The following KIAA0586 variants were observed in gnomAD, a reference collection of about 807,000 sequenced individuals.
KIAA0586 encodes protein TALPID3.
KIAA0586 carries 144 observed loss-of-function variants against 169.8 expected under a neutral mutation model. The observed-to-expected ratio is 0.85, with a 90% CI of 0.74 to 0.97. KIAA0586 has a LOEUF of 0.97. KIAA0586 is among the 50% of genes least tolerant of loss of function. The pLI, the probability that KIAA0586 is intolerant of heterozygous loss-of-function variation, is 0.00. For synonymous variants in KIAA0586, 625 were observed against 612.4 expected, an observed-to-expected ratio of 1.02 and a Z score of -0.30; for missense variants, 1,854 against 1,823.0, an observed-to-expected ratio of 1.02 and a Z score of -0.31.
chr14:58,465,708 G>C, intron 14 of KIAA0586, 127 bp from the exon 15 acceptor site: 1 of 582,646 alleles, frequency 1.7e-6, no homozygotes. Flanking sequence ...TATTACTTCT[G>C]TTTTGGGGCC....
intron 29 of KIAA0586, among the ~76,000 whole-genome samples, chr14:58,528,418 A>G (rs1437893621): frequency 6.6e-6 from 1 of 152,206 alleles, no homozygotes; most frequent in Admixed American, 6.5e-5. Context: ...TTAGCACCAC[A>G]TCACACTTAT....
Position 58,448,485 on chromosome 14 carries a change from C to T in KIAA0586, c.953C>T (p.Ser318Phe), listed in dbSNP as rs2140664162. The T allele has an allele frequency of 1.2e-6, 2 of 1,603,394 alleles. No homozygotes were observed. The highest frequency in any genetic ancestry group is 4.5e-5 in the East Asian group (2 of 44,620). ...CNPSLYNTFA[S>F]KQAPLKEVED... Reference sequence around the variant, plus strand: ...CCATCTTTATATAACACATTTGCTTCCAAACAAGGTAAAAATATGTAGTTC... The same window carrying T: ...CCATCTTTATATAACACATTTGCTTTCAAACAAGGTAAAAATATGTAGTTC... Residue 318 changes from serine (S) to phenylalanine (F), a missense_variant, in exon 7 of 31, where the codon TCC becomes TTC. Transcript: ENST00000652326.
chr14:58,518,663 T>C (rs1016165477), intron 29 of KIAA0586, among the ~76,000 whole-genome samples: 6 of 152,244 alleles, frequency 3.9e-5, no homozygotes, highest in Non-Finnish European at 7.3e-5. Context: ...TTATCTTCTT[T>C]CCACCCAGAG....
At chr14:58,559,128 T>C in the KIAA0586 span, among the ~76,000 whole-genome samples, 4 of 152,208 alleles carry the variant, frequency 2.6e-5, no homozygotes, top group Non-Finnish European at 5.9e-5. Flanking sequence ...ACTGTTGACA[T>C]CTCTTTCAGG....
the KIAA0586 span, among the ~76,000 whole-genome samples, chr14:58,557,901 C>CTTTTTTTTTTTTTTTTTTTTTTTTT: frequency 1.5e-3 from 62 of 42,508 alleles, 11 homozygotes; most frequent in Non-Finnish European, 1.6e-3. Flanking sequence ...CCTGAGAAAT[C>CTTTTTTTTTTTTTTTTTTTTTTTTT]TTTTTTTTTT....
chr14:58,516,233 C>T (rs375248291), intron 29 of KIAA0586, among the ~76,000 whole-genome samples: 1 of 152,174 alleles, frequency 6.6e-6, no homozygotes, highest in African/African-American at 2.4e-5. Flanking sequence ...CAGAGAGTCT[C>T]TCTCACTGGT....
rs560315226 is a variant in KIAA0586, at chr14:58,488,772, G to C, written c.3679G>C (p.Glu1227Gln). ...GCCAGGTTCTGATTCATCAACACTG[G>C]AGAGCACATTGAGTGTTACTGTCAC... The part of the protein sequence containing the change: ...QMPGSDSSTL[E>Q]STLSVTVTET... The change falls in exon 24 of 31, where the codon GAG becomes CAG. Residue 1227 changes from glutamate (E) to glutamine (Q), a missense_variant. Coordinates refer to ENST00000652326, the MANE Select transcript of KIAA0586 (RefSeq NM_001329943.3). 1.2e-5 allele frequency: 19 copies of C among 1,613,828 alleles called. No individual in the cohort carries two copies. Among genetic ancestry groups the C allele is most frequent in the Non-Finnish European group, 1.6e-5 (19 of 1,179,828 alleles).
Position 58,551,065 on chromosome 14 carries a change from T to C in KIAA0586, c.*3133T>C. ...TTAGCCAGGCATGGTGGCGTGTGCC[T>C]GTAATCCCAGCTACTTGGGAGGCTG... is the stretch of plus-strand genomic sequence containing the variant. On this transcript the variant is annotated 3_prime_UTR_variant, in exon 31 of 31. Coordinates refer to ENST00000652326, the MANE Select transcript of KIAA0586 (RefSeq NM_001329943.3). 1 of 152,264 alleles carries C rather than the reference T, an allele frequency of 6.6e-6. No homozygotes were observed. The highest frequency in any genetic ancestry group is 1.5e-5 in the Non-Finnish European group (1 of 68,164). The allele number at this position is 152,264 out of a possible 1,614,324, so 9.4% of individuals were successfully genotyped here.
the KIAA0586 span, among the ~76,000 whole-genome samples, chr14:58,558,522 T>G: frequency 6.6e-6 from 1 of 152,208 alleles, no homozygotes; most frequent in Non-Finnish European, 1.5e-5. Context: ...TTAAGATCAT[T>G]TACTTAGACA....
chr14:58,537,801 C>T (rs1308779155), intron 29 of KIAA0586, among the ~76,000 whole-genome samples: 2 of 152,060 alleles, frequency 1.3e-5, no homozygotes, highest in African/African-American at 2.4e-5. Context: ...GTGCCTGCCA[C>T]CACGCCCGGC....
intron 29 of KIAA0586, among the ~76,000 whole-genome samples, chr14:58,515,909 C>G (rs983408566): frequency 1.5e-4 from 22 of 150,820 alleles, no homozygotes; most frequent in African/African-American, 5.4e-4. Flanking sequence ...AGATAAACTA[C>G]AAAATCATTA....
intron 4 of KIAA0586, chr14:58,441,210 TTCTG>T: frequency 4.8e-6 from 1 of 208,170 alleles, no homozygotes; most frequent in South Asian, 3.4e-5. Context: ...TTTTTTTTTT[TTCTG>T]GGACAGTGTC....
chr14:58,448,480 T>G lies in KIAA0586; in HGVS notation c.948T>G (p.Phe316Leu). Reference protein sequence around the residue: ...GSCNPSLYNTFASKQAPLKEV... With the variant: ...GSCNPSLYNTLASKQAPLKEV... ...GTAATCCATCTTTATATAACACATT[T>G]GCTTCCAAACAAGGTAAAAATATGT... Residue 316 changes from phenylalanine to leucine, a missense_variant, in exon 7 of 31, where the codon TTT becomes TTG. By Grantham distance (22) the Phe-to-Leu change is conservative. Transcript: ENST00000652326. The G allele has an allele frequency of 1.2e-6, 2 of 1,605,970 alleles. No individual in the cohort carries two copies. The highest frequency in any genetic ancestry group is 1.7e-6 in the Non-Finnish European group (2 of 1,176,264).
At chr14:58,535,594 A>G (rs1317630984) in intron 29 of KIAA0586, among the ~76,000 whole-genome samples, 1 of 152,126 alleles carries the variant, frequency 6.6e-6, no homozygotes, top group Non-Finnish European at 1.5e-5. Flanking sequence ...GAGTTGGTAT[A>G]CCTACTAGAG....
chr14:58,498,734 G>T lies in KIAA0586; in HGVS notation c.3991-49G>T. ...ATATTTGGCAAAGATTTCCTGTTTT[G>T]ACTTGATTTTAATATAATGGTTTTA... On this transcript the variant is annotated intron_variant, in intron 26 of 30. Coordinates refer to ENST00000652326, the MANE Select transcript of KIAA0586 (RefSeq NM_001329943.3). 8 of 1,504,524 alleles carry T rather than the reference G, an allele frequency of 5.3e-6. No individual in the cohort carries two copies. In the South Asian group the frequency reaches 5.4e-5, roughly 10 times the overall value. 93.2% of individuals were successfully genotyped at this position (1,504,524 alleles called of 1,614,324 possible).
chr14:58,547,705 A>T, intron 30 of KIAA0586, 76 bp from the exon 31 acceptor site: 1 of 1,019,232 alleles, frequency 9.8e-7, no homozygotes, highest in Non-Finnish European at 1.4e-6. Context: ...CCAACCTCAT[A>T]TTATTTCGCA....
chr14:58,536,030 G>A (rs938743575), intron 29 of KIAA0586, among the ~76,000 whole-genome samples: 7 of 152,020 alleles, frequency 4.6e-5, no homozygotes, highest in Non-Finnish European at 8.8e-5. Flanking sequence ...GAGTCAGAAA[G>A]TAAGCTTTGA....
At chr14:58,536,300 C>A (rs770122765) in intron 29 of KIAA0586, among the ~76,000 whole-genome samples, 3 of 152,070 alleles carry the variant, frequency 2.0e-5, no homozygotes, top group Non-Finnish European at 2.9e-5. Flanking sequence ...CCTGCCCCCC[C>A]TTCGCTGGCT....
intron 29 of KIAA0586, among the ~76,000 whole-genome samples, chr14:58,516,641 C>G (rs939160891): frequency 1.8e-4 from 27 of 152,270 alleles, no homozygotes; most frequent in African/African-American, 6.3e-4. Flanking sequence ...TAGAAGTTGA[C>G]AAGCTGAAGC....
Sources: allele counts gnomAD v4.1 joint callset (sites outside exome capture counted in the v4.1 genomes callset), GRCh38; gene constraint gnomAD v4.1.1; transcripts MANE v1.5; gene names NCBI Gene and HGNC (gene_info 2026-07-23, HGNC 2026-07-21).